The following ARHGAP29 variants were observed in gnomAD, a reference collection of about 807,000 sequenced individuals.
ARHGAP29 encodes the protein Rho GTPase activating protein 29.
A neutral mutation model predicts 122.6 loss-of-function variants in ARHGAP29; 43 were observed. The observed-to-expected ratio is 0.35, with a 90% CI of 0.27 to 0.45. The LOEUF (loss-of-function observed/expected upper bound fraction) is 0.45, where lower values mean the gene tolerates loss of function less well. ARHGAP29 is among the 20% of genes least tolerant of loss of function. The pLI is 1.00. For missense variants in ARHGAP29, 1,303 were observed against 1,477.2 expected, an observed-to-expected ratio of 0.88 and a Z score of 1.93; for synonymous variants, 506 against 497.1, an observed-to-expected ratio of 1.02 and a Z score of -0.24.
At chr1:94,312,434 C>CT in the ARHGAP29 span, among the ~76,000 whole-genome samples, 261 of 119,566 alleles carry the variant, frequency 2.2e-3, no homozygotes, top group East Asian at 4.5e-3. Context: ...CCCCCTCCTT[C>CT]TTTTTTTTTT....
rs376327950 is a variant in ARHGAP29, at chr1:94,219,551, T to C, written c.340+707A>G. Among the ~76,000 whole-genome samples the C allele has an allele frequency of 2.6e-5, 4 of 152,280 alleles. No individual in the cohort carries two copies. In the East Asian group the frequency reaches 5.8e-4, roughly 22 times the overall value. Reference sequence around the variant, plus strand: ...ACCACTACCACACCCCAGCTTCCGCTCATTTAAGCCCTCAGCTTCAACCCT... The same window carrying C: ...ACCACTACCACACCCCAGCTTCCGCCCATTTAAGCCCTCAGCTTCAACCCT... On this transcript the variant is annotated intron_variant, in intron 3 of 22. Transcript: ENST00000260526.
chr1:94,272,612 T>A (rs1019409232), intron 1 of ARHGAP29, among the ~76,000 whole-genome samples: 4 of 152,218 alleles, frequency 2.6e-5, no homozygotes, highest in African/African-American at 9.6e-5. Flanking sequence ...AACATGACAC[T>A]CCTCTGATGA....
At chr1:94,306,300 A>G in the ARHGAP29 span, among the ~76,000 whole-genome samples, 1 of 152,222 alleles carries the variant, frequency 6.6e-6, no homozygotes, top group African/African-American at 2.4e-5. Context: ...TGAAGCTGTT[A>G]ATCATCCTGC....
chr1:94,221,973 T>TA (rs1478983740), intron 2 of ARHGAP29, among the ~76,000 whole-genome samples: 4 of 129,978 alleles, frequency 3.1e-5, no homozygotes, highest in South Asian at 2.6e-4. Flanking sequence ...AGGAAGAACT[T>TA]TAAAAAAAAA....
At chr1:94,247,587 C>A (rs1283521818) in intron 1 of ARHGAP29, among the ~76,000 whole-genome samples, 1 of 151,332 alleles carries the variant, frequency 6.6e-6, no homozygotes, top group Admixed American at 6.6e-5. Flanking sequence ...TCCCGCGTCC[C>A]GGACGCGGAC....
At chr1:94,310,491 A>G in the ARHGAP29 span, among the ~76,000 whole-genome samples, 1 of 152,200 alleles carries the variant, frequency 6.6e-6, no homozygotes, top group East Asian at 1.9e-4. Context: ...GAGGACCACT[A>G]AAGGAACTGA....
At chr1:94,214,276 T>C (rs1570552173) in intron 3 of ARHGAP29, among the ~76,000 whole-genome samples, 1 of 152,232 alleles carries the variant, frequency 6.6e-6, no homozygotes, top group South Asian at 2.1e-4. Context: ...GTTCAATATC[T>C]ATCTGTACAC....
At chr1:94,237,604 C>T (rs1653374876), upstream of ARHGAP29, 1 of 987,926 alleles carries the variant, frequency 1.0e-6, no homozygotes, top group South Asian at 4.5e-5. Context: ...ACCGCCCCTG[C>T]AGCTACCGCC....
intron 2 of ARHGAP29, among the ~76,000 whole-genome samples, chr1:94,228,410 C>T (rs1387813841): frequency 6.6e-6 from 1 of 151,756 alleles, no homozygotes; most frequent in East Asian, 1.9e-4. Context: ...GCATCTGGTA[C>T]AAGTGCCTCA....
intron 2 of ARHGAP29, among the ~76,000 whole-genome samples, chr1:94,230,369 C>A (rs1263810662): frequency 1.3e-5 from 2 of 151,652 alleles, no homozygotes; most frequent in Admixed American, 1.3e-4. Context: ...AACAACTTTT[C>A]TAATATGTAT....
At chr1:94,310,956 C>T in the ARHGAP29 span, among the ~76,000 whole-genome samples, 13 of 152,204 alleles carry the variant, frequency 8.5e-5, no homozygotes, top group Non-Finnish European at 1.9e-4. Context: ...TACTCTCCCA[C>T]TTGCCCTTCT....
chr1:94,203,050 T>A, intron 9 of ARHGAP29, 50 bp downstream of exon 9: 1 of 1,597,798 alleles, frequency 6.3e-7, no homozygotes, highest in East Asian at 2.2e-5. Context: ...TCTAATGGCA[T>A]GCCATTGCTT....
chr1:94,192,055 T>C (rs1173244524), intron 12 of ARHGAP29: 1 of 152,176 alleles, frequency 6.6e-6, no homozygotes, highest in Non-Finnish European at 1.5e-5. Flanking sequence ...TCCTGGATTT[T>C]ATAATTCTTT....
intron 3 of ARHGAP29, among the ~76,000 whole-genome samples, chr1:94,210,383 C>T (rs1007401613): frequency 5.9e-5 from 9 of 152,250 alleles, no homozygotes; most frequent in African/African-American, 1.4e-4. Flanking sequence ...TTCATAGGTA[C>T]GTGGTGAAGA....
chr1:94,231,385 T>G, intron 2 of ARHGAP29, 22 bp downstream of exon 2: 1 of 1,593,184 alleles, frequency 6.3e-7, no homozygotes, highest in Non-Finnish European at 8.6e-7. Flanking sequence ...CCAGCAAGAA[T>G]GCTAATAGAA....
chr1:94,214,579 T>G (rs1651841672), intron 3 of ARHGAP29, among the ~76,000 whole-genome samples: 1 of 152,222 alleles, frequency 6.6e-6, no homozygotes, highest in East Asian at 1.9e-4. Context: ...CCATTGCCAT[T>G]GATTTAATTC....
At chr1:94,199,341 TTAA>T (rs1332750938) in intron 12 of ARHGAP29, among the ~76,000 whole-genome samples, 14 of 152,200 alleles carry the variant, frequency 9.2e-5, no homozygotes, top group African/African-American at 3.1e-4. Flanking sequence ...CAGAGGCAAT[TTAA>T]TGAAAATGGC....
chr1:94,230,050 G>C (rs1266201238), intron 2 of ARHGAP29, among the ~76,000 whole-genome samples: 2 of 151,604 alleles, frequency 1.3e-5, no homozygotes, highest in African/African-American at 4.8e-5. Context: ...CAAGGTAAAT[G>C]ACTTGTCAAC....
chr1:94,202,521 A>G (rs1411825990), intron 11 of ARHGAP29, 23 bp downstream of exon 11: 1 of 1,611,552 alleles, frequency 6.2e-7, no homozygotes, highest in Non-Finnish European at 8.5e-7. Flanking sequence ...CAACTTGCAA[A>G]TAAAAAAGAA....
Sources: allele counts gnomAD v4.1 joint callset (sites outside exome capture counted in the v4.1 genomes callset), GRCh38; gene constraint gnomAD v4.1.1; transcripts MANE v1.5; gene names NCBI Gene and HGNC (gene_info 2026-07-23, HGNC 2026-07-21).